WDFY4: variants seen among roughly 807,000 people sequenced by gnomAD.
The protein encoded by WDFY4 is WDFY family member 4, also known as WD repeat- and FYVE domain-containing protein 4.
Under a neutral mutation model 351.9 loss-of-function variants are expected in WDFY4, and 169 were observed. That is an observed-to-expected ratio of 0.48 (90% CI 0.42 to 0.55). The LOEUF is 0.55. Among genes scored for constraint, WDFY4 ranks in the 20% least tolerant of loss-of-function variants. WDFY4 has a pLI of 0.00. For missense variants in WDFY4, 3,803 were observed against 3,935.6 expected, an observed-to-expected ratio of 0.97 and a Z score of 0.90; for synonymous variants, 1,622 against 1,574.6, an observed-to-expected ratio of 1.03 and a Z score of -0.71.
chr10:48,754,390 C>A (rs975499579), intron 12 of WDFY4, among the ~76,000 whole-genome samples: 1 of 151,882 alleles, frequency 6.6e-6, no homozygotes, highest in Non-Finnish European at 1.5e-5. Context: ...TGGATGTCTG[C>A]ATCCCGTCTT....
rs1336436022 is a variant in WDFY4, at chr10:48,861,672, G to A, written c.6664-5593G>A. ...GTCTGACTATAATGTGTCTTGACAT[G>A]GATTTCTATGGGTCTGTCTTGTTTG... is the stretch of plus-strand genomic sequence containing the variant. On this transcript the variant is annotated intron_variant, in intron 39 of 61. Transcript: ENST00000325239. 3.9e-5 allele frequency among the ~76,000 whole-genome samples: 6 copies of A among 152,224 alleles called. 1 individual carries two copies. Among genetic ancestry groups the A allele is most frequent in the African/African-American group, 1.4e-4 (6 of 41,542 alleles).
At chr10:48,946,240 C>T in intron 50 of WDFY4, 83 bp downstream of exon 50, 1 of 1,073,588 alleles carries the variant, frequency 9.3e-7, no homozygotes, top group South Asian at 1.5e-5. Flanking sequence ...TTAAGGTGGT[C>T]ACCTAGCCTA....
chr10:48,815,197 A>G (rs144783785), intron 31 of WDFY4, among the ~76,000 whole-genome samples: 99 of 152,310 alleles, frequency 6.5e-4, no homozygotes, highest in African/African-American at 2.3e-3. Flanking sequence ...CTAACTCCTT[A>G]TCTTGTTCAG....
intron 44 of WDFY4, among the ~76,000 whole-genome samples, chr10:48,892,105 A>G (rs1188383272): frequency 6.6e-6 from 1 of 152,202 alleles, no homozygotes; most frequent in Non-Finnish European, 1.5e-5. Flanking sequence ...ACTGATCAAT[A>G]TGGACAATGG....
chr10:48,845,835 A>G (rs2068758449), intron 39 of WDFY4, among the ~76,000 whole-genome samples: 2 of 151,712 alleles, frequency 1.3e-5, no homozygotes, highest in East Asian at 3.9e-4. Context: ...CAGTCTCTAA[A>G]GACTCACCGT....
At chr10:48,753,178 T>C (rs2065236217) in intron 12 of WDFY4, among the ~76,000 whole-genome samples, 2 of 152,194 alleles carry the variant, frequency 1.3e-5, no homozygotes, top group Non-Finnish European at 2.9e-5. Context: ...GGGGGAAACG[T>C]CTATTCAAGG....
chr10:48,957,312 G>A (rs1432916853), intron 52 of WDFY4, 30 bp downstream of exon 52: 7 of 1,543,696 alleles, frequency 4.5e-6, no homozygotes, highest in African/African-American at 1.4e-5. Flanking sequence ...GGCCGGGTGA[G>A]TGGCGTTGCA....
At chr10:48,874,162 A>T (rs1172352946) in intron 41 of WDFY4, among the ~76,000 whole-genome samples, 1 of 152,228 alleles carries the variant, frequency 6.6e-6, no homozygotes, top group African/African-American at 2.4e-5. Flanking sequence ...CATGAACTTG[A>T]CTGTTTCTGC....
chr10:48,895,948 A>G (rs1239891353), intron 44 of WDFY4, among the ~76,000 whole-genome samples: 1 of 152,102 alleles, frequency 6.6e-6, no homozygotes, highest in African/African-American at 2.4e-5. Context: ...CTGCCTTTTC[A>G]GTGAGTTCCT....
chr10:48,737,741 C>T (rs1327913950), intron 11 of WDFY4, among the ~76,000 whole-genome samples: 1 of 152,144 alleles, frequency 6.6e-6, no homozygotes, highest in African/African-American at 2.4e-5. Context: ...ACTTGAATCC[C>T]ATGATTACTT....
rs1395382849 is a variant in WDFY4 at position 48,743,165 on chromosome 10, G to C, written c.2076G>C (p.Leu692=). 6.4e-7 allele frequency: 1 copy of C among 1,551,720 alleles called. No individual in the cohort carries two copies. The highest frequency in any genetic ancestry group is 8.7e-7 in the Non-Finnish European group (1 of 1,146,996). Residue 692 remains leucine (L), a synonymous_variant, in exon 12 of 62, where the codon CTG becomes CTC. Transcript: ENST00000325239. ...LYTLCAVSAA[L]HWDPVNGYFF... ...CTCTCTGTGCTGTGTCCGCAGCGCTGCACTGGGACCCTGTCAATGGCTACT... is the reference window on the plus strand; with the variant it reads ...CTCTCTGTGCTGTGTCCGCAGCGCTCCACTGGGACCCTGTCAATGGCTACT...
At chr10:48,689,107 A>G (rs1328042366) in intron 1 of WDFY4, among the ~76,000 whole-genome samples, 2 of 152,112 alleles carry the variant, frequency 1.3e-5, no homozygotes, top group Admixed American at 6.5e-5. Flanking sequence ...GAAGGAATAT[A>G]TCTTGTGTAG....
chr10:48,796,258 A>G (rs1446415040), intron 23 of WDFY4, 40 bp from the exon 24 acceptor site: 18 of 1,533,356 alleles, frequency 1.2e-5, no homozygotes, highest in Non-Finnish European at 1.5e-5. Context: ...ATCTCTAATG[A>G]TGCATTCATG....
rs1194153818 is a variant in WDFY4, at chr10:48,873,494, C to T, written c.6745C>T (p.Arg2249Ter). 12 of 1,547,546 alleles carry T rather than the reference C, an allele frequency of 7.8e-6. No homozygotes were observed. The highest frequency in any genetic ancestry group is 2.4e-5 in the East Asian group (1 of 40,910). Residue 2249 changes from arginine to a stop codon, truncating the protein, a stop_gained, in exon 41 of 62, where the codon CGA becomes TGA. Transcript: ENST00000325239. LOFTEE classifies it high-confidence loss of function. ...ASLYKDHVQR[R>*]KCGNIKAANA... is the part of the protein sequence containing the mutation. ...TGACTCTGTTTCTGCTCCCCAGAGG[C>T]GAAAATGTGGCAACATCAAGGCAGC...
chr10:48,869,048 C>A, intron 40 of WDFY4, among the ~76,000 whole-genome samples: 1 of 152,194 alleles, frequency 6.6e-6, no homozygotes, highest in East Asian at 1.9e-4. Context: ...CATTTGGAAG[C>A]TAATCCACAA....
chr10:48,702,680 T>A (rs989219213), intron 1 of WDFY4, among the ~76,000 whole-genome samples: 8 of 152,212 alleles, frequency 5.3e-5, no homozygotes, highest in African/African-American at 1.7e-4. Context: ...TTGGCAGTGA[T>A]GAACAGAGCT....
intron 12 of WDFY4, among the ~76,000 whole-genome samples, chr10:48,744,289 T>C (rs1321636199): frequency 6.6e-6 from 1 of 152,218 alleles, no homozygotes; most frequent in Non-Finnish European, 1.5e-5. Context: ...TGCAGTAAGT[T>C]ATCCTTCTGA....
intron 12 of WDFY4, among the ~76,000 whole-genome samples, chr10:48,750,120 G>A (rs1179344358): frequency 6.6e-6 from 1 of 152,174 alleles, no homozygotes; most frequent in African/African-American, 2.4e-5. Flanking sequence ...AATCTTTCCT[G>A]TTGAAACAAT....
chr10:48,711,048 G>A (rs531150335), intron 2 of WDFY4, among the ~76,000 whole-genome samples: 4 of 152,330 alleles, frequency 2.6e-5, no homozygotes, highest in Admixed American at 6.5e-5. Context: ...TACTTTTCAC[G>A]TTTGAAAGTA....
Sources: allele counts gnomAD v4.1 joint callset (sites outside exome capture counted in the v4.1 genomes callset), GRCh38; gene constraint gnomAD v4.1.1; transcripts MANE v1.5; gene names NCBI Gene and HGNC (gene_info 2026-07-23, HGNC 2026-07-21).